WFDC8: variants seen among roughly 807,000 people sequenced by gnomAD.
WFDC8 encodes the protein WAP four-disulfide core domain 8, also known as WAP four-disulfide core domain protein 8.
A neutral mutation model predicts 27.0 loss-of-function variants in WFDC8; 24 were observed. The observed-to-expected ratio is 0.89, with a 90% CI of 0.64 to 1.25. WFDC8 has a LOEUF of 1.25. Ranked by LOEUF, WFDC8 falls within the 50% of genes most tolerant of loss-of-function variation. The pLI is 0.00. For missense variants in WFDC8, 287 were observed against 295.9 expected (o/e 0.97, Z 0.22); for synonymous variants, 106 against 99.7 (o/e 1.06, Z -0.38).
intron 2 of WFDC8, among the ~76,000 whole-genome samples, chr20:45,559,216 T>C (rs184890602): frequency 5.9e-5 from 9 of 152,312 alleles, no homozygotes; most frequent in African/African-American, 2.2e-4. Flanking sequence ...AGGAGAAGCA[T>C]GTTGGATACC....
At chr20:45,555,612 C>A in intron 4 of WFDC8, 89 bp downstream of exon 4, 9 of 1,490,648 alleles carry the variant, frequency 6.0e-6, no homozygotes, top group Non-Finnish European at 8.3e-6. Context: ...AACCAAGGAA[C>A]TTTAACCTCA....
At chr20:45,563,793 C>G (rs1980551602) in intron 1 of WFDC8, among the ~76,000 whole-genome samples, 1 of 152,146 alleles carries the variant, frequency 6.6e-6, no homozygotes, top group African/African-American at 2.4e-5. Flanking sequence ...AAATTTTACC[C>G]TCTAACCTGA....
At chr20:45,578,854 G>A (rs954447357) in intron 1 of WFDC8, among the ~76,000 whole-genome samples, 9 of 152,178 alleles carry the variant, frequency 5.9e-5, no homozygotes, top group Admixed American at 5.9e-4. Flanking sequence ...GCCACTCAAA[G>A]ATGCCCAACT....
chr20:45,574,477 A>C (rs774056360), intron 1 of WFDC8, among the ~76,000 whole-genome samples: 5 of 152,166 alleles, frequency 3.3e-5, no homozygotes, highest in Non-Finnish European at 7.3e-5. Flanking sequence ...AAGATCAGCA[A>C]ATTGTATTCA....
intron 2 of WFDC8, among the ~76,000 whole-genome samples, chr20:45,561,088 T>G (rs1980450942): frequency 6.6e-6 from 1 of 152,154 alleles, no homozygotes; most frequent in Non-Finnish European, 1.5e-5. Flanking sequence ...CAGCTTGAAC[T>G]CTCACTTATT....
chr20:45,552,232 A>C (rs1980060969), intron 5 of WFDC8, 67 bp from the exon 6 acceptor site: 1 of 1,570,332 alleles, frequency 6.4e-7, no homozygotes, highest in Non-Finnish European at 8.7e-7. Flanking sequence ...AAATTTGAGG[A>C]ATCTTGGGAA....
intron 1 of WFDC8, among the ~76,000 whole-genome samples, chr20:45,578,677 G>C (rs1291879236): frequency 6.6e-6 from 1 of 152,212 alleles, no homozygotes; most frequent in East Asian, 1.9e-4. Context: ...TAATGGACAG[G>C]AGTGTCCTCT....
intron 3 of WFDC8, among the ~76,000 whole-genome samples, chr20:45,558,353 A>G (rs1347460333): frequency 6.6e-6 from 1 of 152,222 alleles, no homozygotes; most frequent in Non-Finnish European, 1.5e-5. Context: ...CTATAGGTGT[A>G]TTCTGGTGGT....
intron 1 of WFDC8, among the ~76,000 whole-genome samples, chr20:45,577,937 G>A (rs750387781): frequency 6.7e-6 from 1 of 149,552 alleles, no homozygotes; most frequent in Non-Finnish European, 1.5e-5. Context: ...AACCCAGAAG[G>A]TGGAGGTTGC....
At chr20:45,566,718 G>A (rs1980691812) in intron 1 of WFDC8, among the ~76,000 whole-genome samples, 1 of 152,128 alleles carries the variant, frequency 6.6e-6, no homozygotes, top group African/African-American at 2.4e-5. Flanking sequence ...AAAATGTTCT[G>A]CAGTAGAAGT....
At chr20:45,575,719 C>T (rs1012981974) in intron 1 of WFDC8, among the ~76,000 whole-genome samples, 1 of 151,114 alleles carries the variant, frequency 6.6e-6, no homozygotes, top group African/African-American at 2.4e-5. Context: ...AGTGTGAATT[C>T]CCAGGTTACA....
chr20:45,569,067 T>C (rs1214405250), intron 1 of WFDC8, among the ~76,000 whole-genome samples: 1 of 152,210 alleles, frequency 6.6e-6, no homozygotes, highest in Non-Finnish European at 1.5e-5. Context: ...TAACTCTTCC[T>C]TTATTGAGAA....
intron 1 of WFDC8, among the ~76,000 whole-genome samples, chr20:45,569,549 A>G (rs1331443774): frequency 2.0e-5 from 3 of 152,216 alleles, no homozygotes; most frequent in Admixed American, 1.3e-4. Flanking sequence ...ATATGTTTTT[A>G]ATTGCATAGC....
At chr20:45,552,299 TAGACTGG>T in intron 5 of WFDC8, 134 bp from the exon 6 acceptor site, 1 of 1,044,408 alleles carries the variant, frequency 9.6e-7, no homozygotes, top group South Asian at 1.6e-5. Context: ...ACAGTAACAA[TAGACTGG>T]AGGAGGCAGA....
At chr20:45,567,672 G>A (rs191998705) in intron 1 of WFDC8, among the ~76,000 whole-genome samples, 1 of 152,078 alleles carries the variant, frequency 6.6e-6, no homozygotes, top group Non-Finnish European at 1.5e-5. Flanking sequence ...ACTCTCCACC[G>A]CCACTGAATT....
chr20:45,558,306 C>T (rs191633721), intron 3 of WFDC8, among the ~76,000 whole-genome samples: 227 of 152,290 alleles, frequency 1.5e-3, no homozygotes, highest in African/African-American at 5.1e-3. Context: ...TGAATCTTTT[C>T]CCTCACTTCA....
intron 3 of WFDC8, among the ~76,000 whole-genome samples, chr20:45,558,522 GTC>G (rs1370605300): frequency 6.6e-6 from 1 of 152,220 alleles, no homozygotes; most frequent in African/African-American, 2.4e-5. Flanking sequence ...AGATCAAAGA[GTC>G]TGAAAAACAA....
intron 5 of WFDC8, among the ~76,000 whole-genome samples, chr20:45,552,889 A>G (rs1328259192): frequency 6.6e-6 from 1 of 152,228 alleles, no homozygotes; most frequent in East Asian, 1.9e-4. Context: ...AGTCTCAGAA[A>G]AAATAAGTTT....
chr20:45,574,230 G>A (rs187282471), intron 1 of WFDC8, among the ~76,000 whole-genome samples: 19 of 152,136 alleles, frequency 1.2e-4, no homozygotes, highest in Admixed American at 2.6e-4. Context: ...GTCTCTTATC[G>A]AAGAAAAATC....
Sources: gnomAD v4.1 joint callset for allele counts (sites outside exome capture counted in the v4.1 genomes callset) on GRCh38, gnomAD v4.1.1 for gene constraint, MANE v1.5 for transcripts, NCBI Gene and HGNC (gene_info 2026-07-23, HGNC 2026-07-21) for gene names.